COP1: variants seen among roughly 807,000 people sequenced by gnomAD.
COP1 encodes the protein E3 ubiquitin-protein ligase COP1.
In COP1, 24 loss-of-function variants were observed where a neutral mutation model predicts 101.3. The observed-to-expected ratio is 0.24, with a 90% confidence interval of 0.17 to 0.33. COP1 has a LOEUF of 0.33. COP1 is among the 10% of genes least tolerant of loss of function. COP1 has a pLI of 1.00. For synonymous variants in COP1, 347 were observed against 341.9 expected, an observed-to-expected ratio of 1.01 and a Z score of -0.17; for missense variants, 663 against 906.2, an observed-to-expected ratio of 0.73 and a Z score of 3.45.
At chr1:176,066,202 A>G (rs914284610) in intron 11 of COP1, among the ~76,000 whole-genome samples, 2 of 152,144 alleles carry the variant, frequency 1.3e-5, no homozygotes, top group African/African-American at 4.8e-5. Context: ...TGTTCAAATG[A>G]TATAAAAGCC....
At chr1:176,008,138 C>A (rs958036963) in intron 15 of COP1, among the ~76,000 whole-genome samples, 4 of 152,158 alleles carry the variant, frequency 2.6e-5, no homozygotes, top group African/African-American at 4.8e-5. Context: ...TTCTTTGACT[C>A]GGAAAGGGAA....
At chr1:176,077,851 A>G (rs1678337184) in intron 11 of COP1, among the ~76,000 whole-genome samples, 1 of 152,198 alleles carries the variant, frequency 6.6e-6, no homozygotes. Context: ...ATTTCCATAT[A>G]CTAATAACAT....
chr1:176,104,328 T>C (rs578228716), intron 9 of COP1, among the ~76,000 whole-genome samples: 103 of 152,178 alleles, frequency 6.8e-4, no homozygotes, highest in Middle Eastern at 6.8e-3. Flanking sequence ...TTTTTAAAAA[T>C]TGATAATTTT....
chr1:176,067,443 G>A (rs1049549095), intron 11 of COP1, among the ~76,000 whole-genome samples: 1 of 152,162 alleles, frequency 6.6e-6, no homozygotes, highest in African/African-American at 2.4e-5. Context: ...GATGTGCAGA[G>A]GAACACATCG....
At chr1:176,185,862 C>A (rs1036474379) in intron 1 of COP1, among the ~76,000 whole-genome samples, 1 of 152,116 alleles carries the variant, frequency 6.6e-6, no homozygotes, top group African/African-American at 2.4e-5. Context: ...CAAATCCTTA[C>A]GGATGATACA....
chr1:176,052,531 T>A (rs1672746654), intron 11 of COP1, among the ~76,000 whole-genome samples: 1 of 152,144 alleles, frequency 6.6e-6, no homozygotes, highest in South Asian at 2.1e-4. Context: ...ATTCTCCCCA[T>A]TTACTACTAT....
chr1:176,079,293 T>C (rs912175485), intron 11 of COP1, among the ~76,000 whole-genome samples: 1 of 152,092 alleles, frequency 6.6e-6, no homozygotes, highest in Middle Eastern at 3.2e-3. Flanking sequence ...GAATACAACA[T>C]AGCCTTAAAA....
intron 8 of COP1, among the ~76,000 whole-genome samples, chr1:176,120,526 T>C (rs887530804): frequency 2.6e-5 from 4 of 152,210 alleles, no homozygotes; most frequent in African/African-American, 9.7e-5. Context: ...TAATACACTT[T>C]AATCAAAAGA....
intron 8 of COP1, among the ~76,000 whole-genome samples, chr1:176,133,028 T>C (rs1689127853): frequency 1.8e-5 from 1 of 55,182 alleles, no homozygotes; most frequent in Non-Finnish European, 3.4e-5. Flanking sequence ...TATACACATA[T>C]GTACGTATAT....
intron 15 of COP1, among the ~76,000 whole-genome samples, chr1:175,992,359 A>C (rs538212666): frequency 1.8e-4 from 27 of 152,230 alleles, no homozygotes; most frequent in Non-Finnish European, 2.9e-5. Flanking sequence ...CTGAGGTACC[A>C]GGTTCATCTC....
At chr1:176,024,939 TAAA>T (rs999803380) in intron 15 of COP1, among the ~76,000 whole-genome samples, 4 of 152,040 alleles carry the variant, frequency 2.6e-5, no homozygotes, top group Admixed American at 2.0e-4. Flanking sequence ...CAAAGATAGT[TAAA>T]AAAGATAAAA....
chr1:176,012,673 T>TTTTTTTTAACC, intron 15 of COP1, among the ~76,000 whole-genome samples: 1 of 152,302 alleles, frequency 6.6e-6, no homozygotes, highest in South Asian at 2.1e-4. Context: ...GTGTACCATT[T>TTTTTTTTAACC]TTTTTTTAAC....
intron 15 of COP1, among the ~76,000 whole-genome samples, chr1:175,994,868 T>C (rs778476497): frequency 6.6e-6 from 1 of 152,136 alleles, no homozygotes; most frequent in South Asian, 2.1e-4. Flanking sequence ...TATCCAGGAA[T>C]TGAACTCAGC....
At chr1:176,205,535 C>T (rs1700749145) in intron 1 of COP1, among the ~76,000 whole-genome samples, 1 of 152,234 alleles carries the variant, frequency 6.6e-6, no homozygotes. Context: ...AAGCAGCCAA[C>T]TTCCTACATG....
At chr1:176,019,249 G>A (rs1470170163) in intron 15 of COP1, among the ~76,000 whole-genome samples, 1 of 151,860 alleles carries the variant, frequency 6.6e-6, no homozygotes, top group Non-Finnish European at 1.5e-5. Context: ...CGGATCACGA[G>A]GTCAGGAGTT....
At chr1:176,078,424 T>A (rs2149384561) in intron 11 of COP1, among the ~76,000 whole-genome samples, 1 of 152,266 alleles carries the variant, frequency 6.6e-6, no homozygotes, top group East Asian at 1.9e-4. Flanking sequence ...TCAATGGTGC[T>A]TGGATAACTA....
In COP1 at chr1:176,054,353, G is replaced by A. The variant is rs370819418; in HGVS notation, c.1278-8029C>T. On this transcript the variant is annotated intron_variant, in intron 11 of 19. Coordinates refer to ENST00000367669, the MANE Select transcript of COP1 (RefSeq NM_022457.7). ...ATTTTTGTATTTTTAGTAGAGACAG[G>A]GTTTCACCATGTTGGCCAGACTGGT... is the stretch of plus-strand genomic sequence containing the variant. Among the ~76,000 whole-genome samples, 398 of 151,758 alleles carry A rather than the reference G, an allele frequency of 2.6e-3. 3 individuals are homozygous for A. The highest frequency in any genetic ancestry group is 9.2e-3 in the African/African-American group (380 of 41,298).
At chr1:176,111,779 G>A (rs189333329) in intron 9 of COP1, among the ~76,000 whole-genome samples, 4 of 151,910 alleles carry the variant, frequency 2.6e-5, no homozygotes, top group South Asian at 2.1e-4. Flanking sequence ...GCTTATACTC[G>A]ACTATCCACT....
At chr1:176,115,667 T>A (rs1212399817) in intron 9 of COP1, among the ~76,000 whole-genome samples, 1 of 151,376 alleles carries the variant, frequency 6.6e-6, no homozygotes, top group Non-Finnish European at 1.5e-5. Flanking sequence ...GAGAATCACT[T>A]GAACCCAGGA....
Sources: gnomAD v4.1 joint callset for allele counts (sites outside exome capture counted in the v4.1 genomes callset) on GRCh38, gnomAD v4.1.1 for gene constraint, MANE v1.5 for transcripts, NCBI Gene and HGNC (gene_info 2026-07-23, HGNC 2026-07-21) for gene names.